PYHIN1: variants seen among roughly 807,000 people sequenced by gnomAD.
The protein encoded by PYHIN1 is pyrin and HIN domain-containing protein 1.
PYHIN1 carries 32 observed loss-of-function variants against 43.7 expected under a neutral mutation model. The observed-to-expected ratio is 0.73, with a 90% CI of 0.55 to 0.98. The LOEUF (loss-of-function observed/expected upper bound fraction) is 0.98. Ranked by LOEUF, PYHIN1 falls within the 50% of genes least tolerant of loss-of-function variation. The probability of loss-of-function intolerance (pLI) is 0.00; values close to 1 mark genes in which losing one functional copy is unlikely to be tolerated. For missense variants in PYHIN1, 588 were observed against 589.5 expected (o/e 1.00, Z 0.03); for synonymous variants, 205 against 203.1 (o/e 1.01, Z -0.08).
intron 8 of PYHIN1, among the ~76,000 whole-genome samples, chr1:158,974,912 T>C (rs898049688): frequency 6.6e-6 from 1 of 152,086 alleles, no homozygotes; most frequent in African/African-American, 2.4e-5. Context: ...CAGGACAACA[T>C]TCTGGAAAAG....
At chr1:158,962,516 A>G (rs1571769237) in intron 7 of PYHIN1, among the ~76,000 whole-genome samples, 1 of 152,192 alleles carries the variant, frequency 6.6e-6, no homozygotes, top group Non-Finnish European at 1.5e-5. Flanking sequence ...TAGGACTCGA[A>G]CACAATTACC....
chr1:158,979,202 A>G (rs74515018), downstream of PYHIN1, among the ~76,000 whole-genome samples: 7,018 of 152,224 alleles, frequency 0.046, 546 homozygotes, highest in African/African-American at 0.16. Flanking sequence ...AGTTTACAAT[A>G]CAGTATTAGG....
chr1:158,951,914 A>G (rs1448212874), intron 7 of PYHIN1, among the ~76,000 whole-genome samples: 1 of 152,200 alleles, frequency 6.6e-6, no homozygotes, highest in Non-Finnish European at 1.5e-5. Flanking sequence ...AGTGGCCATT[A>G]TTAGAAAGAA....
chr1:158,973,710 G>A lies in PYHIN1; in HGVS notation c.1423G>A (p.Val475Met). Reference sequence around the variant, plus strand: ...AAACTTTAGAATCACCTCACCAACTGTGGCCCCTCCTCTTTCTTCTGACAC... The same window carrying A: ...AAACTTTAGAATCACCTCACCAACTATGGCCCCTCCTCTTTCTTCTGACAC... ...PANFRITSPT[V>M]APPLSSDTST... The change falls in exon 8 of 9, where the codon GTG (valine) becomes ATG (methionine). Residue 475 changes from valine (V) to methionine (M), a missense_variant. By Grantham distance (21) the Val-to-Met change is conservative. Coordinates refer to ENST00000368140, the MANE Select transcript of PYHIN1 (RefSeq NM_152501.5). The A allele has an allele frequency of 6.2e-7, 1 of 1,613,198 alleles. No individual in the cohort carries two copies. Among genetic ancestry groups the A allele is most frequent in the Non-Finnish European group, 8.5e-7 (1 of 1,179,506 alleles).
downstream of PYHIN1, among the ~76,000 whole-genome samples, chr1:158,981,736 T>C (rs1402778322): frequency 6.6e-6 from 1 of 152,136 alleles, no homozygotes; most frequent in Non-Finnish European, 1.5e-5. Context: ...TAAAAAAATA[T>C]GGCATATAAT....
Position 158,942,278 on chromosome 1 carries a change from C to T in PYHIN1, c.881C>T (p.Pro294Leu). 6.2e-7 allele frequency: 1 copy of T among 1,614,100 alleles called. No homozygotes were observed. Among genetic ancestry groups the T allele is most frequent in the Non-Finnish European group, 8.5e-7 (1 of 1,179,978 alleles). The change falls in exon 5 of 9, where the codon CCT becomes CTT. Residue 294 changes from proline to leucine, a missense_variant. By Grantham distance (98) the Pro-to-Leu change is moderately conservative (BLOSUM62 -3). Coordinates refer to ENST00000368140, the MANE Select transcript of PYHIN1 (RefSeq NM_152501.5). Reference sequence around the variant, plus strand: ...GCCTCTTCTGTATCTGAAGCTGGTCCTGACCAAACGTTTGAGGTTCCAAAG... The same window carrying T: ...GCCTCTTCTGTATCTGAAGCTGGTCTTGACCAAACGTTTGAGGTTCCAAAG... ...NEASSVSEAG[P>L]DQTFEVPKDI...
intron 7 of PYHIN1, among the ~76,000 whole-genome samples, chr1:158,967,835 C>A (rs752871051): frequency 5.3e-5 from 8 of 151,966 alleles, no homozygotes; most frequent in Non-Finnish European, 1.0e-4. Context: ...CAATGACAAG[C>A]AATGGGATAA....
At chr1:158,974,383 T>C (rs1047846818) in intron 8 of PYHIN1, among the ~76,000 whole-genome samples, 1 of 152,104 alleles carries the variant, frequency 6.6e-6, no homozygotes, top group South Asian at 2.1e-4. Context: ...AATAATAAAG[T>C]GTTTTTCAAC....
rs377500123 is a variant in PYHIN1 at position 158,942,356 on chromosome 1, A to C, written c.959A>C (p.Gln320Pro). Residue 320 changes from glutamine (Q) to proline (P), a missense_variant, in exon 5 of 9, where the codon CAA becomes CCA. Coordinates refer to ENST00000368140, the MANE Select transcript of PYHIN1 (RefSeq NM_152501.5). ...CCGAAGATCAATATTCTTCACAAAC[A>C]AACTTCAGGATATATTGTATATGGA... ...KIPKINILHKQTSGYIVYGLF... is the reference protein window; with the variant it reads ...KIPKINILHKPTSGYIVYGLF... The C allele has an allele frequency of 3.1e-6, 5 of 1,611,664 alleles. No individual in the cohort carries two copies. Among genetic ancestry groups the C allele is most frequent in the Non-Finnish European group, 4.2e-6 (5 of 1,179,318 alleles).
rs139381722 is a variant in PYHIN1 at position 158,939,206 on chromosome 1, C to G, written c.538C>G (p.Gln180Glu). The change falls in exon 4 of 9, where the codon CAG (glutamine) becomes GAG (glutamate). Residue 180 changes from glutamine (Q) to glutamate (E), a missense_variant. Gln to Glu is a conservative substitution (Grantham distance 29). Transcript: ENST00000368140. ...AGCCATGGGCCGTTCCCCACCTCCCCAGACCTCATCATCAGCTCCACCCAA... is the reference window on the plus strand; with the variant it reads ...AGCCATGGGCCGTTCCCCACCTCCCGAGACCTCATCATCAGCTCCACCCAA... ...STAMGRSPPP[Q>E]TSSSAPPNTS... 9 of 1,610,638 alleles carry G rather than the reference C, an allele frequency of 5.6e-6. No individual in the cohort carries two copies. Among genetic ancestry groups the G allele is most frequent in the Non-Finnish European group, 7.6e-6 (9 of 1,179,130 alleles).
chr1:158,942,203 T>C lies in PYHIN1; in HGVS notation c.806T>C (p.Ile269Thr). ...AGGAAATTCATTAAAAAGAGAATCA[T>C]CATTATATCAAATTATTCCAAACGT... is the stretch of plus-strand genomic sequence containing the variant. ...LKRKFIKKRI[I>T]IISNYSKRNS... The change falls in exon 5 of 9, where the codon ATC (isoleucine) becomes ACC (threonine). Residue 269 changes from isoleucine to threonine, a missense_variant. Coordinates refer to ENST00000368140, the MANE Select transcript of PYHIN1 (RefSeq NM_152501.5). 6.2e-7 allele frequency: 1 copy of C among 1,614,002 alleles called. No individual in the cohort carries two copies. The highest frequency in any genetic ancestry group is 8.5e-7 in the Non-Finnish European group (1 of 1,179,914).
the PYHIN1 span, among the ~76,000 whole-genome samples, chr1:158,987,036 AG>A: frequency 6.6e-6 from 1 of 152,200 alleles, no homozygotes; most frequent in Non-Finnish European, 1.5e-5. Flanking sequence ...ATAGCATATA[AG>A]GGTTACAATT....
rs186772679 is a variant in PYHIN1, at chr1:158,973,829, G to C, written c.*5+58G>C. 8.9e-5 allele frequency: 140 copies of C among 1,574,594 alleles called. No homozygotes were observed. In the East Asian group the frequency reaches 2.3e-3, roughly 26 times the overall value. ...TAAAATATAATTGTAGGGGTAATCA[G>C]AGTCTTCAAAGGGATTCTCATTTAA... is the stretch of plus-strand genomic sequence containing the variant. On this transcript the variant is annotated intron_variant, in intron 8 of 8. Transcript: ENST00000368140.
intron 7 of PYHIN1, among the ~76,000 whole-genome samples, chr1:158,959,094 C>T (rs1211009345): frequency 6.6e-6 from 1 of 151,626 alleles, no homozygotes; most frequent in African/African-American, 2.4e-5. Flanking sequence ...TTTTCACCTT[C>T]GTTTTTGGGA....
At chr1:158,986,515 T>C in the PYHIN1 span, among the ~76,000 whole-genome samples, 1 of 152,138 alleles carries the variant, frequency 6.6e-6, no homozygotes, top group African/African-American at 2.4e-5. Context: ...GTCTAAACCA[T>C]CTATGTGGGG....
the PYHIN1 span, among the ~76,000 whole-genome samples, chr1:158,990,691 C>G: frequency 0.93 from 142,073 of 152,206 alleles, 67,104 homozygotes; most frequent in East Asian, 1. Flanking sequence ...AACATCCCTA[C>G]CCTTTGTTTA....
chr1:158,984,387 T>C, the PYHIN1 span, among the ~76,000 whole-genome samples: 1 of 152,154 alleles, frequency 6.6e-6, no homozygotes, highest in African/African-American at 2.4e-5. Context: ...GATTTCTGCA[T>C]TAATTTAATT....
intron 7 of PYHIN1, among the ~76,000 whole-genome samples, chr1:158,960,214 A>G (rs1650246204): frequency 6.6e-6 from 1 of 152,236 alleles, no homozygotes; most frequent in Non-Finnish European, 1.5e-5. Context: ...TCTTTTTGCC[A>G]ACTTGGCACA....
chr1:158,958,721 C>T (rs974479594), intron 7 of PYHIN1, among the ~76,000 whole-genome samples: 1 of 133,772 alleles, frequency 7.5e-6, no homozygotes, highest in Non-Finnish European at 1.6e-5. Flanking sequence ...CTAACCTGCA[C>T]AATGTGGCCA....
Sources: gnomAD v4.1 joint callset for allele counts (sites outside exome capture counted in the v4.1 genomes callset) on GRCh38, gnomAD v4.1.1 for gene constraint, MANE v1.5 for transcripts, NCBI Gene and HGNC (gene_info 2026-07-23, HGNC 2026-07-21) for gene names.